The following OPA1 variants were observed in gnomAD, a reference collection of about 807,000 sequenced individuals.
OPA1 encodes dynamin-like GTPase OPA1, mitochondrial.
Under a neutral mutation model 152.9 loss-of-function variants are expected in OPA1, and 59 were observed. The observed-to-expected ratio is 0.39, with a 90% CI of 0.31 to 0.48. The LOEUF (loss-of-function observed/expected upper bound fraction) is 0.48. Among genes scored for constraint, OPA1 ranks in the 20% least tolerant of loss-of-function variants. The probability of loss-of-function intolerance (pLI) is 0.96; values close to 1 mark genes in which losing one functional copy is unlikely to be tolerated. For missense variants in OPA1, 1,008 were observed against 1,216.8 expected (o/e 0.83, Z 2.55); for synonymous variants, 400 against 389.9 (o/e 1.03, Z -0.31).
intron 29 of OPA1, among the ~76,000 whole-genome samples, chr3:193,688,115 T>C (rs779471035): frequency 1.9e-4 from 29 of 152,200 alleles, no homozygotes; most frequent in Admixed American, 8.5e-4. Flanking sequence ...GTAGTATTCA[T>C]GAAGCCAGCT....
At chr3:193,648,386 G>A (rs959580290) in intron 20 of OPA1, 4 of 430,796 alleles carry the variant, frequency 9.3e-6, no homozygotes, top group African/African-American at 2.0e-5. Flanking sequence ...GGTAATGAAT[G>A]TGCTTTAAAG....
At chr3:193,633,755 T>A (rs1261830236) in intron 8 of OPA1, among the ~76,000 whole-genome samples, 1 of 152,208 alleles carries the variant, frequency 6.6e-6, no homozygotes, top group African/African-American at 2.4e-5. Flanking sequence ...TATTTTACAC[T>A]TACAGCACAA....
At position 193,637,189 on chromosome 3, in the gene OPA1, T is replaced by C. The variant is rs1243823502; in HGVS notation, c.949-6T>C. The C allele has an allele frequency of 3.9e-6, 6 of 1,549,408 alleles. No homozygotes were observed. The highest frequency in any genetic ancestry group is 4.4e-6 in the Non-Finnish European group (5 of 1,130,726). ...TTTATATTATAACTTTTTAAAATTT[T>C]TACAGAAATCTTTGATTGACATGTA... On this transcript the variant is annotated splice_polypyrimidine_tract_variant and splice_region_variant and intron_variant, in intron 9 of 30. Transcript: ENST00000361510.
At chr3:193,611,290 C>G (rs1232702883) in intron 1 of OPA1, among the ~76,000 whole-genome samples, 1 of 151,928 alleles carries the variant, frequency 6.6e-6, no homozygotes, top group Non-Finnish European at 1.5e-5. Context: ...TTTTTTTGCT[C>G]TAGAGTCTTC....
chr3:193,613,399 G>A (rs1285186580), intron 1 of OPA1, among the ~76,000 whole-genome samples: 2 of 152,060 alleles, frequency 1.3e-5, no homozygotes, highest in Non-Finnish European at 2.9e-5. Context: ...AACCTTACTC[G>A]GTGTTTCTGA....
At chr3:193,670,258 T>A (rs1717605648) in intron 29 of OPA1, among the ~76,000 whole-genome samples, 1 of 152,218 alleles carries the variant, frequency 6.6e-6, no homozygotes. Flanking sequence ...GCAATCAAAT[T>A]TTTACTACAG....
At position 193,626,153 on chromosome 3, in the gene OPA1, G is replaced by T. The variant is rs138350727; in HGVS notation, c.740G>T (p.Arg247Leu). ...QQIQEHEEEARRAAGQYSTSY... is the reference protein window; with the variant it reads ...QQIQEHEEEALRAAGQYSTSY... ...ATTCAAGAGCATGAAGAGGAAGCGC[G>T]CAGAGCCGCTGGCCAATATAGCACG... Residue 247 changes from arginine (R) to leucine (L), a missense_variant, in exon 7 of 31, where the codon CGC (arginine) becomes CTC (leucine). Around this residue, in one of 7 missense-constraint regions of OPA1, gnomAD observed 408 missense variants for 395.1 expected, o/e 1.03. Transcript: ENST00000361510. 1.2e-6 allele frequency: 2 copies of T among 1,613,970 alleles called. No individual in the cohort carries two copies. The highest frequency in any genetic ancestry group is 1.7e-6 in the Non-Finnish European group (2 of 1,179,988).
At chr3:193,679,269 G>A (rs940101981) in intron 29 of OPA1, among the ~76,000 whole-genome samples, 8 of 151,752 alleles carry the variant, frequency 5.3e-5, no homozygotes, top group Non-Finnish European at 1.0e-4. Flanking sequence ...AAGAAATAAC[G>A]GGGAAAAAAA....
chr3:193,626,990 G>A (rs1731251965), intron 7 of OPA1, among the ~76,000 whole-genome samples: 1 of 152,178 alleles, frequency 6.6e-6, no homozygotes, highest in African/African-American at 2.4e-5. Flanking sequence ...TGAAATCAGT[G>A]TAATGAATTT....
chr3:193,659,634 C>A (rs557750716), intron 25 of OPA1, 73 bp downstream of exon 25: 1 of 1,175,870 alleles, frequency 8.5e-7, no homozygotes, highest in Non-Finnish European at 1.2e-6. Context: ...TAAAATATAA[C>A]CTTTTTGTGG....
At position 193,643,574 on chromosome 3, in the gene OPA1, G is replaced by T. The variant is rs1224127176; in HGVS notation, c.1424G>T (p.Ser475Ile). 6.2e-7 allele frequency: 1 copy of T among 1,613,832 alleles called. No homozygotes were observed. The highest frequency in any genetic ancestry group is 8.5e-7 in the Non-Finnish European group (1 of 1,179,900). ...CCTGACACAAAGGAAACTATTTTCA[G>T]TATCAGCAAAGCTTACATGCAGAAT... ...MAPDTKETIF[S>I]ISKAYMQNPN... Residue 475 changes from serine to isoleucine, a missense_variant, in exon 15 of 31, where the codon AGT becomes ATT. Ser to Ile is a moderately radical substitution (Grantham distance 142). Around this residue, in one of 7 missense-constraint regions of OPA1, gnomAD observed 213 missense variants for 291.4 expected, o/e 0.73. Transcript: ENST00000361510.
chr3:193,681,047 C>T (rs2087223863), intron 29 of OPA1, among the ~76,000 whole-genome samples: 2 of 152,030 alleles, frequency 1.3e-5, no homozygotes, highest in African/African-American at 4.8e-5. Flanking sequence ...TCATAAATCC[C>T]ATAAACATTT....
At chr3:193,626,025 T>G in intron 6 of OPA1, 67 bp from the exon 7 acceptor site, 2 of 1,183,644 alleles carry the variant, frequency 1.7e-6, no homozygotes. Context: ...GTTCCTTTGT[T>G]GCACCCTTGG....
rs920848477 is a variant in OPA1, at chr3:193,593,231, C to G, written c.-147C>G. Reference sequence around the variant, plus strand: ...TCAGGCTCTTGCGGAAGTCCATGCGCCATTGGGAGGGCCTCGGCCGCGGCT... The same window carrying G: ...TCAGGCTCTTGCGGAAGTCCATGCGGCATTGGGAGGGCCTCGGCCGCGGCT... On this transcript the variant is annotated 5_prime_UTR_variant, in exon 1 of 31. Coordinates refer to ENST00000361510, the MANE Select transcript of OPA1 (RefSeq NM_130837.3). 4.5e-6 allele frequency: 3 copies of G among 662,076 alleles called. No homozygotes were observed. Among genetic ancestry groups the G allele is most frequent in the Admixed American group, 3.3e-5 (1 of 30,302 alleles). 41.0% of individuals were successfully genotyped at this position (662,076 alleles called of 1,614,324 possible). A position where few individuals can be genotyped will look rare whatever the true frequency, so the allele number is the denominator to read the frequency against.
At chr3:193,692,366 A>G (rs1721806247) in intron 30 of OPA1, among the ~76,000 whole-genome samples, 1 of 152,196 alleles carries the variant, frequency 6.6e-6, no homozygotes, top group African/African-American at 2.4e-5. Flanking sequence ...TGAATAGAAC[A>G]AAGGTGAACA....
intron 29 of OPA1, among the ~76,000 whole-genome samples, chr3:193,690,249 A>G (rs1387558849): frequency 1.3e-5 from 2 of 151,368 alleles, no homozygotes; most frequent in East Asian, 3.9e-4. Flanking sequence ...TGCTACCTTC[A>G]TAATAACTAT....
intron 29 of OPA1, among the ~76,000 whole-genome samples, chr3:193,674,636 T>C (rs2109341072): frequency 6.6e-6 from 1 of 152,314 alleles, no homozygotes; most frequent in Non-Finnish European, 1.5e-5. Flanking sequence ...CATAGCTAAA[T>C]AGAACCCTGA....
At chr3:193,648,991 G>T (rs960259526) in intron 21 of OPA1, 120 bp downstream of exon 21, 2 of 704,544 alleles carry the variant, frequency 2.8e-6, no homozygotes, top group Non-Finnish European at 2.5e-6. Flanking sequence ...AGGCAAAAAC[G>T]TAATAGTATA....
chr3:193,611,442 C>T (rs1216509967), intron 1 of OPA1, among the ~76,000 whole-genome samples: 1 of 151,958 alleles, frequency 6.6e-6, no homozygotes, highest in Non-Finnish European at 1.5e-5. Flanking sequence ...ACTAAAAATA[C>T]ACAGATTAGC....
Sources: allele counts gnomAD v4.1 joint callset (sites outside exome capture counted in the v4.1 genomes callset), GRCh38; gene constraint gnomAD v4.1.1; regional missense constraint gnomAD v4.1.1; transcripts MANE v1.5; gene names NCBI Gene and HGNC (gene_info 2026-07-23, HGNC 2026-07-21).